Variants in FAF1 observed in about 807,000 individuals in gnomAD.
The protein encoded by FAF1 is FAS-associated factor 1.
FAF1 carries 25 observed loss-of-function variants against 92.5 expected under a neutral mutation model. The ratio of observed to expected loss-of-function variants is 0.27; its 90% CI spans 0.20 to 0.38. The LOEUF is 0.38. Among genes scored for constraint, FAF1 ranks in the 10% least tolerant of loss-of-function variants. The probability of loss-of-function intolerance (pLI) is 1.00; values close to 1 mark genes in which losing one functional copy is unlikely to be tolerated. For synonymous variants in FAF1, 234 were observed against 273.2 expected, an observed-to-expected ratio of 0.86 and a Z score of 1.42; for missense variants, 636 against 793.3, an observed-to-expected ratio of 0.80 and a Z score of 2.38.
chr1:50,577,069 C>T (rs893869496), intron 12 of FAF1, among the ~76,000 whole-genome samples: 22 of 152,204 alleles, frequency 1.4e-4, no homozygotes, highest in African/African-American at 5.3e-4. Flanking sequence ...AATGCAACTC[C>T]GTCCTGCATT....
Position 50,441,374 on chromosome 1 carries a change from G to T in FAF1, c.*66C>A. ...ACGAGCGTGTGGGTGGGTTGGCGAG[G>T]AGCCCTTCTCCTGACGCAGGCTGCT... is the stretch of plus-strand genomic sequence containing the variant. On this transcript the variant is annotated 3_prime_UTR_variant, in exon 19 of 19. Transcript: ENST00000396153. The T allele has an allele frequency of 1.0e-6, 1 of 992,376 alleles. No individual in the cohort carries two copies. Among genetic ancestry groups the T allele is most frequent in the Non-Finnish European group, 1.5e-6 (1 of 680,402 alleles). 61.5% of individuals were successfully genotyped at this position (992,376 alleles called of 1,614,324 possible).
At chr1:50,854,217 C>T (rs566720487) in intron 2 of FAF1, among the ~76,000 whole-genome samples, 6 of 152,144 alleles carry the variant, frequency 3.9e-5, no homozygotes, top group East Asian at 1.9e-4. Flanking sequence ...GAAAGTGAGA[C>T]GTGGGTCAAT....
intron 6 of FAF1, among the ~76,000 whole-genome samples, chr1:50,737,346 T>G (rs1659182725): frequency 6.6e-6 from 1 of 152,216 alleles, no homozygotes; most frequent in African/African-American, 2.4e-5. Flanking sequence ...ATCCATTTAA[T>G]CACGCTACTG....
Position 50,813,984 on chromosome 1 carries a change from GT to G in FAF1, c.115-12308del, listed in dbSNP as rs535453771. Among the ~76,000 whole-genome samples the G allele has an allele frequency of 5.7e-3, 870 of 152,154 alleles. 3 individuals carry two copies. The highest frequency in any genetic ancestry group is 0.017 in the Middle Eastern group (5 of 294). On this transcript the variant is annotated intron_variant, in intron 2 of 18. Coordinates refer to ENST00000396153, the MANE Select transcript of FAF1 (RefSeq NM_007051.3). ...GTACCACACCATATATATATACTAT[GT>G]TTTTTACCTATACATATAGTTATGA...
chr1:50,671,859 G>A (rs978482391), intron 7 of FAF1, among the ~76,000 whole-genome samples: 9 of 151,542 alleles, frequency 5.9e-5, no homozygotes, highest in African/African-American at 2.2e-4. Flanking sequence ...CCAGACTGGA[G>A]TGCAGTGGCA....
intron 18 of FAF1, among the ~76,000 whole-genome samples, chr1:50,443,883 C>T (rs1385953029): frequency 3.3e-5 from 5 of 152,110 alleles, no homozygotes; most frequent in African/African-American, 1.2e-4. Context: ...TTTCTTGTTT[C>T]TTCCCCACGG....
At chr1:50,957,352 T>C (rs1008944160) in intron 1 of FAF1, among the ~76,000 whole-genome samples, 4 of 102,870 alleles carry the variant, frequency 3.9e-5, no homozygotes, top group Non-Finnish European at 6.6e-5. Context: ...ATTTTCTTTT[T>C]TTTTTTTTTT....
chr1:50,597,347 C>T (rs1220064222), intron 8 of FAF1, among the ~76,000 whole-genome samples: 2 of 151,724 alleles, frequency 1.3e-5, no homozygotes, highest in African/African-American at 4.8e-5. Flanking sequence ...TTAATTAACA[C>T]AAGAGTAGTT....
chr1:50,558,353 T>C (rs1649699553), intron 13 of FAF1, among the ~76,000 whole-genome samples: 1 of 152,134 alleles, frequency 6.6e-6, no homozygotes, highest in Non-Finnish European at 1.5e-5. Flanking sequence ...TGGGAGTAAC[T>C]ATTTGCATAT....
chr1:50,792,483 T>C (rs1017307705), intron 3 of FAF1, among the ~76,000 whole-genome samples: 6 of 152,216 alleles, frequency 3.9e-5, no homozygotes, highest in African/African-American at 1.4e-4. Context: ...GCTCTTAGCT[T>C]AAACTCTTAA....
rs772097310 is a variant in FAF1 at position 50,822,774 on chromosome 1, CTT to C, written c.115-21099_115-21098del. Among the ~76,000 whole-genome samples the C allele has an allele frequency of 5.7e-3, 712 of 125,120 alleles. 6 individuals carry two copies. Among genetic ancestry groups the C allele is most frequent in the African/African-American group, 0.022 (675 of 31,214 alleles). 82.1% of individuals were successfully genotyped at this position (125,120 alleles called of 152,430 possible). A position where few individuals can be genotyped will look rare whatever the true frequency, so the allele number is the denominator to read the frequency against. The stretch of plus-strand genomic sequence containing the variant: ...TCTTTCTTTCTTTCTTTCTTTCTTT[CTT>C]TTTTTTTTTTTTTTTGAGACGCAGT... On this transcript the variant is annotated intron_variant, in intron 2 of 18. Coordinates refer to ENST00000396153, the MANE Select transcript of FAF1 (RefSeq NM_007051.3).
intron 8 of FAF1, among the ~76,000 whole-genome samples, chr1:50,621,090 C>T (rs1356008865): frequency 6.6e-6 from 1 of 152,252 alleles, no homozygotes; most frequent in African/African-American, 2.4e-5. Context: ...CTCCCCTGCT[C>T]AAGTGTTGGT....
intron 1 of FAF1, among the ~76,000 whole-genome samples, chr1:50,948,594 G>A (rs1305827362): frequency 5.4e-5 from 8 of 148,788 alleles, no homozygotes; most frequent in East Asian, 2.0e-4. Context: ...GTGCAGTGAC[G>A]CGATTTCAGC....
chr1:50,666,537 A>G (rs1655642107), intron 7 of FAF1, among the ~76,000 whole-genome samples: 1 of 152,126 alleles, frequency 6.6e-6, no homozygotes, highest in South Asian at 2.1e-4. Flanking sequence ...TGTAACGTGT[A>G]TGAATCTTCT....
chr1:50,526,058 A>T (rs1313440750), intron 15 of FAF1, among the ~76,000 whole-genome samples: 1 of 152,240 alleles, frequency 6.6e-6, no homozygotes, highest in Admixed American at 6.5e-5. Flanking sequence ...TACTAATGAT[A>T]GTTTCTAAAC....
chr1:50,669,176 G>C (rs1259084996), intron 7 of FAF1, among the ~76,000 whole-genome samples: 1 of 152,142 alleles, frequency 6.6e-6, no homozygotes, highest in East Asian at 1.9e-4. Context: ...TTTCTAGTTG[G>C]GGATGCCCTC....
chr1:50,648,940 C>T (rs1438561243), intron 8 of FAF1, among the ~76,000 whole-genome samples: 1 of 152,004 alleles, frequency 6.6e-6, no homozygotes, highest in Non-Finnish European at 1.5e-5. Flanking sequence ...AGTTAGGGGG[C>T]CTGGCCCTAA....
At chr1:50,496,291 T>C (rs933030660) in intron 15 of FAF1, among the ~76,000 whole-genome samples, 4 of 152,216 alleles carry the variant, frequency 2.6e-5, no homozygotes, top group Non-Finnish European at 5.9e-5. Flanking sequence ...ATCAGAGACA[T>C]GGCCCTGCTA....
At chr1:50,772,058 T>C (rs1236554158) in intron 4 of FAF1, among the ~76,000 whole-genome samples, 1 of 152,160 alleles carries the variant, frequency 6.6e-6, no homozygotes, top group East Asian at 1.9e-4. Flanking sequence ...TGTAGGTAAG[T>C]ATAATAGTGA....
Sources: gnomAD v4.1 joint callset for allele counts (sites outside exome capture counted in the v4.1 genomes callset) on GRCh38, gnomAD v4.1.1 for gene constraint, MANE v1.5 for transcripts, NCBI Gene and HGNC (gene_info 2026-07-23, HGNC 2026-07-21) for gene names.